PDE11A: variants seen among roughly 807,000 people sequenced by gnomAD.
PDE11A encodes phosphodiesterase 11A.
In PDE11A, 100 loss-of-function variants were observed where a neutral mutation model predicts 100.5. The observed-to-expected ratio is 1.00, with a 90% CI of 0.85 to 1.18. The LOEUF (loss-of-function observed/expected upper bound fraction) is 1.18. Among genes scored for constraint, PDE11A ranks in the 50% most tolerant of loss-of-function variants. PDE11A has a pLI of 0.00. For synonymous variants in PDE11A, 381 were observed against 420.8 expected, an observed-to-expected ratio of 0.91 and a Z score of 1.16; for missense variants, 1,141 against 1,152.6, an observed-to-expected ratio of 0.99 and a Z score of 0.15.
At chr2:177,762,914 AAG>A (rs1321400995) in intron 10 of PDE11A, among the ~76,000 whole-genome samples, 1 of 152,234 alleles carries the variant, frequency 6.6e-6, no homozygotes. Context: ...AGCAGGAGGG[AAG>A]ACGAGCCTGG....
chr2:177,791,215 T>G (rs1472068930), intron 9 of PDE11A, among the ~76,000 whole-genome samples: 23 of 151,990 alleles, frequency 1.5e-4, no homozygotes, highest in Admixed American at 2.0e-4. Context: ...CCATAAAAAA[T>G]GATGAGTTCA....
At chr2:177,670,372 G>C (rs577824794) in intron 17 of PDE11A, among the ~76,000 whole-genome samples, 1 of 95,532 alleles carries the variant, frequency 1.0e-5, no homozygotes, top group African/African-American at 3.4e-5. Context: ...TTATTGCCAA[G>C]CTAAACAGAT....
intron 10 of PDE11A, among the ~76,000 whole-genome samples, chr2:177,753,304 C>A (rs576951725): frequency 6.6e-6 from 1 of 152,242 alleles, no homozygotes; most frequent in African/African-American, 2.4e-5. Context: ...CTTTTCAGAG[C>A]ATTCCCTAGT....
chr2:177,938,912 C>A (rs1214030500), intron 2 of PDE11A, among the ~76,000 whole-genome samples: 4 of 152,104 alleles, frequency 2.6e-5, no homozygotes, highest in Admixed American at 2.6e-4. Context: ...AAGATTAGGA[C>A]ACAGACAGGT....
chr2:177,791,738 A>G lies in PDE11A; in HGVS notation c.1738-22365T>C, dbSNP rs539330882. On this transcript the variant is annotated intron_variant, in intron 9 of 19. Coordinates refer to ENST00000286063, the MANE Select transcript of PDE11A (RefSeq NM_016953.4). Reference sequence around the variant, plus strand: ...TAAATATTGTTTATATTTAACATACATAGTACATAGAGTATATGACCATTA... The same window carrying G: ...TAAATATTGTTTATATTTAACATACGTAGTACATAGAGTATATGACCATTA... Among the ~76,000 whole-genome samples the G allele has an allele frequency of 4.6e-5, 7 of 152,296 alleles. No individual in the cohort carries two copies. The South Asian group carries it at 1.0e-3, about 23-fold the overall frequency.
At chr2:177,857,861 G>C (rs2083869576) in intron 5 of PDE11A, among the ~76,000 whole-genome samples, 1 of 152,012 alleles carries the variant, frequency 6.6e-6, no homozygotes, top group Non-Finnish European at 1.5e-5. Context: ...ATTATACCAT[G>C]CAAACAGTAG....
chr2:177,883,607 G>A (rs143405389), intron 4 of PDE11A, among the ~76,000 whole-genome samples: 1 of 152,156 alleles, frequency 6.6e-6, no homozygotes, highest in African/African-American at 2.4e-5. Flanking sequence ...GCTGACAAGT[G>A]GGGGAAGTTT....
chr2:177,758,063 G>A (rs1057313755), intron 10 of PDE11A, among the ~76,000 whole-genome samples: 3 of 151,542 alleles, frequency 2.0e-5, no homozygotes, highest in Non-Finnish European at 2.9e-5. Flanking sequence ...TTCGGAGGCC[G>A]AAGTGGGTGG....
At position 178,054,501 on chromosome 2, in the gene PDE11A, A is replaced by T. The variant is rs150367781; in HGVS notation, c.912+17025T>A. Among the ~76,000 whole-genome samples the T allele has an allele frequency of 8.6e-4, 131 of 152,336 alleles. 3 individuals are homozygous for T. In the East Asian group the frequency reaches 0.018, roughly 21 times the overall value. ...ACAAAAGCCAAAATTGACAGATAGG[A>T]TCTAATTAAACTAAAGAGCTTCTGC... is the stretch of plus-strand genomic sequence containing the variant. On this transcript the variant is annotated intron_variant, in intron 1 of 19. Transcript: ENST00000286063.
chr2:178,072,180 G>T lies in PDE11A; in HGVS notation c.258C>A (p.Pro86=). 6.2e-7 allele frequency: 1 copy of T among 1,613,966 alleles called. No homozygotes were observed. ...TGPNGSAHSQ[P]LPGGGDCGGV... is the part of the protein sequence containing the mutation. ...CACCACAGTCCCCGCCACCGGGAAG[G>T]GGCTGGCTGTGGGCAGAGCCATTTG... The change falls in exon 1 of 20, where the codon CCC becomes CCA. Residue 86 remains proline, a synonymous_variant. Coordinates refer to ENST00000286063, the MANE Select transcript of PDE11A (RefSeq NM_016953.4).
At chr2:177,915,347 C>A (rs1010143879) in intron 2 of PDE11A, among the ~76,000 whole-genome samples, 1 of 152,134 alleles carries the variant, frequency 6.6e-6, no homozygotes, top group Non-Finnish European at 1.5e-5. Flanking sequence ...ACCTGCTAAT[C>A]CCTCCCTCCT....
intron 1 of PDE11A, among the ~76,000 whole-genome samples, chr2:178,040,781 C>T (rs2086674212): frequency 6.6e-6 from 1 of 152,188 alleles, no homozygotes; most frequent in African/African-American, 2.4e-5. Context: ...AGATAATCTA[C>T]TAAATAGAAT....
At position 177,979,469 on chromosome 2, in the gene PDE11A, A is replaced by T. The variant is rs529496600; in HGVS notation, c.1071+34833T>A. ...CCTAAGGCCTTGGTGGTTTGTCTAT[A>T]TAGCAATGTTTTTGAAACATGGAAC... is the stretch of plus-strand genomic sequence containing the variant. On this transcript the variant is annotated intron_variant, in intron 2 of 19. Transcript: ENST00000286063. Among the ~76,000 whole-genome samples, 4 of 150,660 alleles carry T rather than the reference A, an allele frequency of 2.7e-5. No individual in the cohort carries two copies. The South Asian group carries it at 8.7e-4, about 33-fold the overall frequency.
chr2:178,077,046 G>T (rs1450379824), upstream of PDE11A, among the ~76,000 whole-genome samples: 2 of 152,116 alleles, frequency 1.3e-5, no homozygotes, highest in Non-Finnish European at 2.9e-5. Flanking sequence ...TTGCAAGAGG[G>T]TAAGCCCAAT....
At chr2:177,875,470 C>A (rs2084218124) in intron 5 of PDE11A, among the ~76,000 whole-genome samples, 1 of 151,850 alleles carries the variant, frequency 6.6e-6, no homozygotes, top group Non-Finnish European at 1.5e-5. Context: ...CTCCACCTCC[C>A]AGGTTCACTC....
chr2:177,786,447 G>A (rs1384484889), intron 9 of PDE11A, among the ~76,000 whole-genome samples: 14 of 152,064 alleles, frequency 9.2e-5, no homozygotes, highest in African/African-American at 2.4e-4. Flanking sequence ...AAAAAACAGA[G>A]CAGAAAAACT....
chr2:178,020,924 G>GGTGTGTGTGTGTGT (rs532087273), intron 1 of PDE11A, among the ~76,000 whole-genome samples: 1 of 125,740 alleles, frequency 8.0e-6, no homozygotes, highest in Non-Finnish European at 1.7e-5. Flanking sequence ...TTTTTGTCTT[G>GGTGTGTGTGTGTGT]GTGTGTGTGT....
intron 10 of PDE11A, among the ~76,000 whole-genome samples, chr2:177,746,403 T>C (rs73977759): frequency 2.7e-3 from 414 of 152,136 alleles, no homozygotes; most frequent in African/African-American, 9.7e-3. Flanking sequence ...AAAAGGAACC[T>C]ATTGAGGAAA....
At chr2:177,888,198 G>A (rs568796654) in intron 4 of PDE11A, among the ~76,000 whole-genome samples, 5 of 152,288 alleles carry the variant, frequency 3.3e-5, no homozygotes, top group African/African-American at 1.2e-4. Context: ...AAGCAAGCCA[G>A]TTTTAAAGGG....
Sources: gnomAD v4.1 joint callset for allele counts (sites outside exome capture counted in the v4.1 genomes callset) on GRCh38, gnomAD v4.1.1 for gene constraint, MANE v1.5 for transcripts, NCBI Gene and HGNC (gene_info 2026-07-23, HGNC 2026-07-21) for gene names.